GALNTL6: variants seen among roughly 807,000 people sequenced by gnomAD.
GALNTL6 encodes the protein polypeptide N-acetylgalactosaminyltransferase-like 6.
Under a neutral mutation model 73.7 loss-of-function variants are expected in GALNTL6, and 46 were observed. That is an observed-to-expected ratio of 0.62 (90% CI 0.49 to 0.80). The LOEUF is 0.80. Among genes scored for constraint, GALNTL6 ranks in the 30% least tolerant of loss-of-function variants. The probability of loss-of-function intolerance (pLI) is 0.00; values close to 1 mark genes in which losing one functional copy is unlikely to be tolerated. For missense variants in GALNTL6, 604 were observed against 755.0 expected (o/e 0.80, Z 2.34); for synonymous variants, 259 against 263.7 (o/e 0.98, Z 0.17).
chr4:172,842,835 AG>A (rs1405179255), intron 7 of GALNTL6, among the ~76,000 whole-genome samples: 2 of 152,058 alleles, frequency 1.3e-5, no homozygotes, highest in East Asian at 3.9e-4. Context: ...TGACCAAAAA[AG>A]GACCCCTGAA....
rs149184064 is a variant in GALNTL6, at chr4:173,021,824, C to G, written c.1638+199C>G. Among the ~76,000 whole-genome samples, 17 of 151,996 alleles carry G rather than the reference C, an allele frequency of 1.1e-4. No homozygotes were observed. The East Asian group carries it at 3.3e-3, about 29-fold the overall frequency. ...CCTGACCAACATAGCGAAACCCCAT[C>G]TCTACTGAAAATACAAAAAAAAGTC... On this transcript the variant is annotated intron_variant, in intron 12 of 12. Transcript: ENST00000506823.
intron 3 of GALNTL6, among the ~76,000 whole-genome samples, chr4:172,287,185 T>A (rs978074656): frequency 1.3e-5 from 2 of 152,186 alleles, no homozygotes; most frequent in Admixed American, 1.3e-4. Flanking sequence ...TTATTTAAAT[T>A]AAGAGCTTAC....
At position 171,943,368 on chromosome 4, in the gene GALNTL6, G is replaced by A. The variant is rs558443916; in HGVS notation, c.138+128650G>A. On this transcript the variant is annotated intron_variant, in intron 2 of 12. Coordinates refer to ENST00000506823, the MANE Select transcript of GALNTL6 (RefSeq NM_001034845.3). ...CCAGAAATAGAAGTCAAATTTTCAT[G>A]CATTTATTGACTTTTAGGATTTCCA... 6.6e-5 allele frequency among the ~76,000 whole-genome samples: 10 copies of A among 152,174 alleles called. No homozygotes were observed. In the East Asian group the frequency reaches 1.7e-3, roughly 26 times the overall value.
intron 5 of GALNTL6, 67 bp downstream of exon 5, chr4:172,348,756 A>G (rs1462494978): frequency 9.5e-7 from 1 of 1,053,896 alleles, no homozygotes; most frequent in Non-Finnish European, 1.3e-6. Context: ...AGGACTTTTT[A>G]AAAAAGACAA....
At chr4:172,044,869 T>C (rs1174351359) in intron 2 of GALNTL6, among the ~76,000 whole-genome samples, 1 of 151,970 alleles carries the variant, frequency 6.6e-6, no homozygotes, top group Non-Finnish European at 1.5e-5. Flanking sequence ...GCCTTCTTCT[T>C]TTCTATAAAG....
chr4:172,416,222 G>C (rs61301080), intron 5 of GALNTL6, among the ~76,000 whole-genome samples: 4,600 of 152,226 alleles, frequency 0.03, 228 homozygotes, highest in African/African-American at 0.1. Flanking sequence ...AACCTTATTA[G>C]TATAGGTCTC....
intron 7 of GALNTL6, among the ~76,000 whole-genome samples, chr4:172,841,409 C>T (rs1220504684): frequency 6.6e-6 from 1 of 152,146 alleles, no homozygotes; most frequent in East Asian, 1.9e-4. Flanking sequence ...TACCTAGCTC[C>T]AAGTTCATGC....
chr4:172,074,787 T>C (rs1355776653), intron 2 of GALNTL6, among the ~76,000 whole-genome samples: 1 of 152,150 alleles, frequency 6.6e-6, no homozygotes, highest in Non-Finnish European at 1.5e-5. Context: ...TTGGGGCAAA[T>C]GCACCAAACG....
intron 2 of GALNTL6, among the ~76,000 whole-genome samples, chr4:172,056,291 CA>C (rs1279272306): frequency 1.4e-4 from 21 of 152,060 alleles, no homozygotes; most frequent in African/African-American, 4.6e-4. Context: ...ATTTTCTTTT[CA>C]GGGGAAGCCT....
chr4:172,150,925 AAAAT>A (rs1168164309), intron 2 of GALNTL6, among the ~76,000 whole-genome samples: 1 of 152,226 alleles, frequency 6.6e-6, no homozygotes. Flanking sequence ...GCTATGTTAT[AAAAT>A]AAATAAAGTT....
chr4:171,867,939 T>C (rs1444580711), intron 2 of GALNTL6, among the ~76,000 whole-genome samples: 1 of 152,018 alleles, frequency 6.6e-6, no homozygotes, highest in Non-Finnish European at 1.5e-5. Context: ...TTTCTTTTTC[T>C]CTTTGTTTAA....
chr4:171,852,991 C>A (rs994888940), intron 2 of GALNTL6, among the ~76,000 whole-genome samples: 3 of 149,292 alleles, frequency 2.0e-5, no homozygotes, highest in African/African-American at 7.4e-5. Context: ...GGACTACAGG[C>A]GCCGCCACCA....
At chr4:172,171,262 T>C (rs890490437) in intron 2 of GALNTL6, among the ~76,000 whole-genome samples, 3 of 152,214 alleles carry the variant, frequency 2.0e-5, no homozygotes, top group African/African-American at 4.8e-5. Flanking sequence ...AGTGATTTTT[T>C]TTTCATTCTG....
At chr4:172,759,675 T>C (rs570553239) in intron 5 of GALNTL6, among the ~76,000 whole-genome samples, 3 of 152,144 alleles carry the variant, frequency 2.0e-5, no homozygotes, top group Non-Finnish European at 4.4e-5. Context: ...CTGTCTCCCA[T>C]GCCAGTATCC....
At chr4:172,106,283 T>G (rs1371312880) in intron 2 of GALNTL6, among the ~76,000 whole-genome samples, 1 of 152,132 alleles carries the variant, frequency 6.6e-6, no homozygotes, top group Non-Finnish European at 1.5e-5. Flanking sequence ...AATTGTAAAA[T>G]CCACCTCAGG....
chr4:172,954,809 T>G (rs1224161915), intron 10 of GALNTL6, among the ~76,000 whole-genome samples: 2 of 152,112 alleles, frequency 1.3e-5, no homozygotes, highest in Non-Finnish European at 2.9e-5. Flanking sequence ...GCAAATTTCT[T>G]TCCCCAAAGC....
chr4:171,945,668 G>A (rs1286934904), intron 2 of GALNTL6, among the ~76,000 whole-genome samples: 4 of 152,000 alleles, frequency 2.6e-5, no homozygotes, highest in Non-Finnish European at 5.9e-5. Flanking sequence ...CATACATAAA[G>A]TAAGATTTGT....
intron 5 of GALNTL6, among the ~76,000 whole-genome samples, chr4:172,648,686 A>C (rs1740349047): frequency 6.6e-6 from 1 of 152,170 alleles, no homozygotes; most frequent in South Asian, 2.1e-4. Flanking sequence ...TGTAGCTGTA[A>C]GCATTGAGAA....
intron 5 of GALNTL6, among the ~76,000 whole-genome samples, chr4:172,411,071 C>G (rs771685994): frequency 6.6e-6 from 1 of 151,952 alleles, no homozygotes; most frequent in Non-Finnish European, 1.5e-5. Flanking sequence ...TATGCTACCC[C>G]CATATAAAAG....
Sources: allele counts gnomAD v4.1 joint callset (sites outside exome capture counted in the v4.1 genomes callset), GRCh38; gene constraint gnomAD v4.1.1; transcripts MANE v1.5; gene names NCBI Gene and HGNC (gene_info 2026-07-23, HGNC 2026-07-21).